The following DSG2 variants were observed in gnomAD, a reference collection of about 807,000 sequenced individuals.
DSG2 encodes the protein desmoglein-2.
DSG2 carries 45 observed loss-of-function variants against 75.6 expected under a neutral mutation model. The observed-to-expected ratio is 0.60, with a 90% confidence interval of 0.47 to 0.76. The LOEUF is 0.76. Among genes scored for constraint, DSG2 ranks in the 30% least tolerant of loss-of-function variants. DSG2 has a pLI of 0.00. For missense variants in DSG2, 1,267 were observed against 1,357.4 expected, an observed-to-expected ratio of 0.93 and a Z score of 1.05; for synonymous variants, 429 against 483.9, an observed-to-expected ratio of 0.89 and a Z score of 1.49.
chr18:31,506,153 A>T (rs1326870534), intron 1 of DSG2, among the ~76,000 whole-genome samples: 4 of 152,200 alleles, frequency 2.6e-5, no homozygotes, highest in Non-Finnish European at 5.9e-5. Flanking sequence ...ATGAAAGTTA[A>T]TAATGGGTGA....
chr18:31,540,839 G>T (rs2073262188), intron 12 of DSG2, among the ~76,000 whole-genome samples: 1 of 149,266 alleles, frequency 6.7e-6, no homozygotes, highest in Non-Finnish European at 1.5e-5. Flanking sequence ...TTGCAACAGT[G>T]ATTTTTTTTT....
At chr18:31,545,580 T>C in intron 14 of DSG2, 141 bp from the exon 15 acceptor site, 1 of 1,022,310 alleles carries the variant, frequency 9.8e-7, no homozygotes, top group Non-Finnish European at 1.4e-6. Context: ...TCTCTCTCAA[T>C]TTGTGTTTCC....
intron 6 of DSG2, among the ~76,000 whole-genome samples, chr18:31,523,002 T>C (rs924533304): frequency 1.3e-5 from 2 of 152,188 alleles, no homozygotes; most frequent in Admixed American, 6.5e-5. Context: ...GCTGTATACA[T>C]AAAGGTTTTA....
chr18:31,528,183 T>C (rs755175855), intron 8 of DSG2, among the ~76,000 whole-genome samples: 8 of 152,208 alleles, frequency 5.3e-5, no homozygotes, highest in Non-Finnish European at 7.3e-5. Flanking sequence ...GACCCAATGA[T>C]TTGATTCTTA....
At chr18:31,516,044 G>A (rs2073092369) in intron 1 of DSG2, among the ~76,000 whole-genome samples, 2 of 152,122 alleles carry the variant, frequency 1.3e-5, no homozygotes, top group African/African-American at 4.8e-5. Flanking sequence ...GTGGAGTAGT[G>A]GGAGCAATAC....
intron 1 of DSG2, among the ~76,000 whole-genome samples, chr18:31,508,537 G>A (rs1395659615): frequency 6.6e-6 from 1 of 152,002 alleles, no homozygotes; most frequent in Non-Finnish European, 1.5e-5. Context: ...GGGATTACAG[G>A]CATGCACCAC....
intron 1 of DSG2, among the ~76,000 whole-genome samples, chr18:31,502,693 G>C (rs906778655): frequency 8.5e-5 from 13 of 152,126 alleles, no homozygotes; most frequent in African/African-American, 2.9e-4. Context: ...GGAGGTTGCA[G>C]TGAGCCGAGA....
chr18:31,512,724 A>G (rs1299082584), intron 1 of DSG2, among the ~76,000 whole-genome samples: 1 of 152,092 alleles, frequency 6.6e-6, no homozygotes, highest in Non-Finnish European at 1.5e-5. Flanking sequence ...GCTTCCTCAT[A>G]CCATTCACGT....
In DSG2 at chr18:31,546,295, C is replaced by T. The variant is rs2073308885; in HGVS notation, c.2909C>T (p.Pro970Leu). 1 of 1,602,328 alleles carries T rather than the reference C, an allele frequency of 6.2e-7. No homozygotes were observed. Among genetic ancestry groups the T allele is most frequent in the Admixed American group, 1.7e-5 (1 of 59,420 alleles). The change falls in exon 15 of 15, where the codon CCA (proline) becomes CTA (leucine). Residue 970 changes from proline (P) to leucine (L), a missense_variant. Transcript: ENST00000261590. ...ATTGTGACAGAGAGGGTGTATGCTC[C>T]AGCTTCTACCTTGGTAGATCAGCCT... is the stretch of plus-strand genomic sequence containing the variant. ...SLIVTERVYAPASTLVDQPYA... is the reference protein window; with the variant it reads ...SLIVTERVYALASTLVDQPYA...
At chr18:31,512,673 G>A (rs1370184433) in intron 1 of DSG2, among the ~76,000 whole-genome samples, 4 of 152,180 alleles carry the variant, frequency 2.6e-5, no homozygotes, top group East Asian at 1.9e-4. Flanking sequence ...ATTCACCACC[G>A]CATGGCCTGG....
chr18:31,539,991 A>G (rs1598822230), intron 12 of DSG2, among the ~76,000 whole-genome samples: 1 of 151,780 alleles, frequency 6.6e-6, no homozygotes, highest in East Asian at 1.9e-4. Context: ...ATGCCTGATG[A>G]CCTGTCACTG....
chr18:31,547,137 A>G lies in DSG2; in HGVS notation c.*394A>G, dbSNP rs996884404. 1 of 350,470 alleles carries G rather than the reference A, an allele frequency of 2.9e-6. No homozygotes were observed. Among genetic ancestry groups the G allele is most frequent in the African/African-American group, 2.1e-5 (1 of 46,988 alleles). 21.7% of individuals were successfully genotyped at this position (350,470 alleles called of 1,614,324 possible). On this transcript the variant is annotated 3_prime_UTR_variant, in exon 15 of 15. Coordinates refer to ENST00000261590, the MANE Select transcript of DSG2 (RefSeq NM_001943.5). Reference sequence around the variant, plus strand: ...GGGTCTCTTTGCCTACCGTATTAACATTAAACATTGATGTTCTGTATTCTG... The same window carrying G: ...GGGTCTCTTTGCCTACCGTATTAACGTTAAACATTGATGTTCTGTATTCTG...
At chr18:31,531,548 A>T (rs1250031152) in intron 9 of DSG2, among the ~76,000 whole-genome samples, 2 of 152,172 alleles carry the variant, frequency 1.3e-5, no homozygotes, top group African/African-American at 4.8e-5. Flanking sequence ...TCAGGAAAAA[A>T]CTTTTAAAAA....
At position 31,546,448 on chromosome 18, in the gene DSG2, G is replaced by C; in HGVS notation, c.3062G>C (p.Ser1021Thr). The C allele has an allele frequency of 6.2e-7, 1 of 1,614,150 alleles. No homozygotes were observed. Among genetic ancestry groups the C allele is most frequent in the East Asian group, 2.2e-5 (1 of 44,886 alleles). The stretch of plus-strand genomic sequence containing the variant: ...TACGTCATGGTGAGGGAAAGAGAGA[G>C]CTTCCTTGCCCCCAGCTCAGGTGTG... Reference protein sequence around the residue: ...VPYVMVRERESFLAPSSGVQP... With the variant: ...VPYVMVRERETFLAPSSGVQP... The change falls in exon 15 of 15, where the codon AGC (serine) becomes ACC (threonine). Residue 1021 changes from serine (S) to threonine (T), a missense_variant. Physicochemically the swap from Ser to Thr is moderately conservative, Grantham distance 58. Transcript: ENST00000261590.
Position 31,522,149 on chromosome 18 carries a change from C to G in DSG2, c.590C>G (p.Ser197Cys), listed in dbSNP as rs1214800084. ...DEPNTLNSKI[S>C]YRIVSLEPAY... is the part of the protein sequence containing the mutation. ...CCCAATACCCTGAATTCGAAAATTTCCTATAGAATCGTATCTCTGGAGCCT... is the reference window on the plus strand; with the variant it reads ...CCCAATACCCTGAATTCGAAAATTTGCTATAGAATCGTATCTCTGGAGCCT... Residue 197 changes from serine (S) to cysteine (C), a missense_variant, in exon 6 of 15, where the codon TCC becomes TGC. By Grantham distance (112) the Ser-to-Cys change is moderately radical. Transcript: ENST00000261590. 6.2e-7 allele frequency: 1 copy of G among 1,613,846 alleles called. No individual in the cohort carries two copies. Among genetic ancestry groups the G allele is most frequent in the Admixed American group, 1.7e-5 (1 of 60,006 alleles).
rs2144353065 is a variant in DSG2 at position 31,542,595 on chromosome 18, G to A, written c.2077G>A (p.Glu693Lys). The A allele has an allele frequency of 6.2e-7, 1 of 1,614,120 alleles. No homozygotes were observed. Among genetic ancestry groups the A allele is most frequent in the South Asian group, 1.1e-5 (1 of 91,068 alleles). ...GRNGVGGMAK[E>K]ATMKGSSSAS... is the part of the protein sequence containing the mutation. ...AAATGGAGTAGGAGGTATGGCCAAG[G>A]AAGCCACGATGAAAGGAAGTAGCTC... is the stretch of plus-strand genomic sequence containing the variant. The change falls in exon 14 of 15, where the codon GAA becomes AAA. Residue 693 changes from glutamate (E) to lysine (K), a missense_variant. Physicochemically the swap from Glu to Lys is moderately conservative, Grantham distance 56. Coordinates refer to ENST00000261590, the MANE Select transcript of DSG2 (RefSeq NM_001943.5).
At chr18:31,521,485 C>T (rs1204833312) in intron 5 of DSG2, among the ~76,000 whole-genome samples, 2 of 152,076 alleles carry the variant, frequency 1.3e-5, no homozygotes, top group Non-Finnish European at 2.9e-5. Flanking sequence ...AGCAACTACT[C>T]AACTCTGCTA....
chr18:31,531,978 C>T (rs1217227871), intron 9 of DSG2, among the ~76,000 whole-genome samples: 2 of 152,212 alleles, frequency 1.3e-5, no homozygotes, highest in East Asian at 1.9e-4. Flanking sequence ...GTTACTGTTA[C>T]TGCAGTTGAA....
chr18:31,548,595 A>G lies in DSG2; in HGVS notation c.*1852A>G, dbSNP rs2073331411. ...GACTTACTATCAGTTTTATTTTGCC[A>G]AGTATGCAACAGGTATATCACTAGT... On this transcript the variant is annotated 3_prime_UTR_variant, in exon 15 of 15. Transcript: ENST00000261590. 6.6e-6 allele frequency: 1 copy of G among 152,184 alleles called. No individual in the cohort carries two copies. Among genetic ancestry groups the G allele is most frequent in the South Asian group, 2.1e-4 (1 of 4,828 alleles). 9.4% of individuals were successfully genotyped at this position (152,184 alleles called of 1,614,324 possible).
Sources: allele counts gnomAD v4.1 joint callset (sites outside exome capture counted in the v4.1 genomes callset), GRCh38; gene constraint gnomAD v4.1.1; transcripts MANE v1.5; gene names NCBI Gene and HGNC (gene_info 2026-07-23, HGNC 2026-07-21).